FGGY: variants seen among roughly 807,000 people sequenced by gnomAD.
The protein encoded by FGGY is FGGY carbohydrate kinase domain-containing protein.
In FGGY, 72 loss-of-function variants were observed where a neutral mutation model predicts 71.3. That is an observed-to-expected ratio of 1.01 (90% CI 0.84 to 1.23). The LOEUF (loss-of-function observed/expected upper bound fraction) is 1.23. Among genes scored for constraint, FGGY ranks in the 50% most tolerant of loss-of-function variants. The probability of loss-of-function intolerance (pLI) is 0.00; values close to 1 mark genes in which losing one functional copy is unlikely to be tolerated. For missense variants in FGGY, 668 were observed against 682.3 expected (o/e 0.98, Z 0.23); for synonymous variants, 251 against 250.3 (o/e 1.00, Z -0.02).
rs75742494 is a variant in FGGY, at chr1:59,506,030, A to G, written c.671-6281A>G. Among the ~76,000 whole-genome samples, 554 of 152,252 alleles carry G rather than the reference A, an allele frequency of 3.6e-3. 2 individuals carry two copies. The highest frequency in any genetic ancestry group is 0.012 in the African/African-American group (492 of 41,534). On this transcript the variant is annotated intron_variant, in intron 6 of 15. Coordinates refer to ENST00000303721, the MANE Select transcript of FGGY (RefSeq NM_018291.5). ...GCTCTCAGAGTGATAGTGTTTTTAC[A>G]TACCCAGGTGAGGGTGTGTACACCG...
chr1:59,616,072 G>A (rs1328188405), intron 9 of FGGY, among the ~76,000 whole-genome samples: 1 of 152,194 alleles, frequency 6.6e-6, no homozygotes, highest in African/African-American at 2.4e-5. Flanking sequence ...GTGGAAGTCA[G>A]TGTGGTGATT....
intron 7 of FGGY, among the ~76,000 whole-genome samples, chr1:59,536,644 G>C (rs531144291): frequency 6.6e-6 from 1 of 152,268 alleles, no homozygotes; most frequent in African/African-American, 2.4e-5. Flanking sequence ...ACATCAAAAA[G>C]CTTATCCACC....
intron 5 of FGGY, among the ~76,000 whole-genome samples, chr1:59,401,382 T>C (rs968204167): frequency 1.3e-5 from 2 of 152,230 alleles, no homozygotes; most frequent in African/African-American, 4.8e-5. Context: ...TTACTGACAT[T>C]GTAACAATGT....
At chr1:59,595,749 G>A (rs1160820940) in intron 8 of FGGY, among the ~76,000 whole-genome samples, 1 of 151,988 alleles carries the variant, frequency 6.6e-6, no homozygotes, top group Non-Finnish European at 1.5e-5. Context: ...CACTCTCACA[G>A]GACTGACTGT....
chr1:59,668,538 C>G (rs962611648), intron 13 of FGGY, among the ~76,000 whole-genome samples: 1 of 152,248 alleles, frequency 6.6e-6, no homozygotes, highest in African/African-American at 2.4e-5. Context: ...CTCCATCCCC[C>G]TCTAAGCCAC....
At chr1:59,734,374 TTG>T (rs1429035639) in intron 14 of FGGY, among the ~76,000 whole-genome samples, 1 of 152,106 alleles carries the variant, frequency 6.6e-6, no homozygotes, top group Non-Finnish European at 1.5e-5. Flanking sequence ...AGCTAATTTT[TTG>T]TGTTTTTTTG....
chr1:59,680,401 G>A (rs1338364387), intron 14 of FGGY, among the ~76,000 whole-genome samples: 1 of 147,666 alleles, frequency 6.8e-6, no homozygotes, highest in African/African-American at 2.5e-5. Flanking sequence ...ATATGAAGTT[G>A]GCCCTAACAT....
intron 6 of FGGY, among the ~76,000 whole-genome samples, chr1:59,491,851 G>C (rs1045215446): frequency 6.6e-6 from 1 of 152,056 alleles, no homozygotes; most frequent in Non-Finnish European, 1.5e-5. Flanking sequence ...TTTCATATAG[G>C]ACTATAAGAT....
In FGGY at chr1:59,676,348, C is replaced by T. The variant is rs183309202; in HGVS notation, c.1512+2215C>T. 1.2e-3 allele frequency among the ~76,000 whole-genome samples: 182 copies of T among 151,928 alleles called. 1 individual carries two copies. Among genetic ancestry groups the T allele is most frequent in the African/African-American group, 4.3e-3 (179 of 41,376 alleles). Reference sequence around the variant, plus strand: ...CCTGTCATTCTTTTTCTAATTTGTTCGATTTGTTTTTTCTTTAAAAATATT... The same window carrying T: ...CCTGTCATTCTTTTTCTAATTTGTTTGATTTGTTTTTTCTTTAAAAATATT... On this transcript the variant is annotated intron_variant, in intron 14 of 15. Transcript: ENST00000303721.
chr1:59,550,134 C>T (rs138268564), intron 7 of FGGY, among the ~76,000 whole-genome samples: 1 of 152,224 alleles, frequency 6.6e-6, no homozygotes, highest in Non-Finnish European at 1.5e-5. Flanking sequence ...GCTAATTTTT[C>T]TCCTTAAACA....
intron 6 of FGGY, among the ~76,000 whole-genome samples, chr1:59,473,411 A>G (rs1200685304): frequency 6.6e-6 from 1 of 152,220 alleles, no homozygotes; most frequent in Non-Finnish European, 1.5e-5. Flanking sequence ...CGCCACCTTT[A>G]AGAACTGTAA....
chr1:59,758,849 C>T (rs893936659), intron 15 of FGGY, among the ~76,000 whole-genome samples: 1 of 152,084 alleles, frequency 6.6e-6, no homozygotes, highest in African/African-American at 2.4e-5. Context: ...CTCATAAATA[C>T]CTTGGAGGCC....
chr1:59,440,277 C>T (rs2069503481), intron 5 of FGGY, among the ~76,000 whole-genome samples: 1 of 152,022 alleles, frequency 6.6e-6, no homozygotes, highest in South Asian at 2.1e-4. Flanking sequence ...TTTATCTTTT[C>T]ATATTTAAGA....
intron 8 of FGGY, among the ~76,000 whole-genome samples, chr1:59,597,521 C>G (rs1256241194): frequency 6.6e-6 from 1 of 152,114 alleles, no homozygotes; most frequent in African/African-American, 2.4e-5. Context: ...AAAAGTTAAA[C>G]CCCCACATGA....
chr1:59,733,937 G>A (rs1469181337), intron 14 of FGGY, among the ~76,000 whole-genome samples: 1 of 152,206 alleles, frequency 6.6e-6, no homozygotes, highest in Non-Finnish European at 1.5e-5. Context: ...TGATAAGAGA[G>A]CCACCTTGAT....
intron 5 of FGGY, among the ~76,000 whole-genome samples, chr1:59,455,752 G>C (rs1322714709): frequency 6.6e-6 from 1 of 152,212 alleles, no homozygotes; most frequent in Non-Finnish European, 1.5e-5. Context: ...TGGGAAATCA[G>C]AAGAGGAGTG....
intron 14 of FGGY, chr1:59,699,216 AT>A (rs1008815879): frequency 1.0e-6 from 1 of 985,066 alleles, no homozygotes; most frequent in Non-Finnish European, 1.2e-6. Flanking sequence ...CAGTTCTGAG[AT>A]TTTTTTTCTG....
chr1:59,721,274 A>C (rs1262062390), intron 14 of FGGY, among the ~76,000 whole-genome samples: 1 of 151,088 alleles, frequency 6.6e-6, no homozygotes, highest in African/African-American at 2.4e-5. Flanking sequence ...TATTTTTAGA[A>C]GAGTTTTATA....
chr1:59,320,206 T>C (rs571652165), intron 1 of FGGY, among the ~76,000 whole-genome samples: 8 of 152,212 alleles, frequency 5.3e-5, no homozygotes, highest in Non-Finnish European at 1.0e-4. Flanking sequence ...TGGGAAATCA[T>C]TGTGATTAAG....
Sources: gnomAD v4.1 joint callset for allele counts (sites outside exome capture counted in the v4.1 genomes callset) on GRCh38, gnomAD v4.1.1 for gene constraint, MANE v1.5 for transcripts, NCBI Gene and HGNC (gene_info 2026-07-23, HGNC 2026-07-21) for gene names.